Variants in CDH18 observed in about 807,000 individuals in gnomAD.
CDH18 encodes the protein cadherin-18.
CDH18 carries 31 observed loss-of-function variants against 67.9 expected under a neutral mutation model. That is an observed-to-expected ratio of 0.46 (90% confidence interval 0.34 to 0.62). The LOEUF is 0.62. CDH18 is among the 20% of genes least tolerant of loss of function. The pLI, the probability that CDH18 is intolerant of heterozygous loss-of-function variation, is 0.01. For missense variants in CDH18, 890 were observed against 975.5 expected (o/e 0.91, Z 1.17); for synonymous variants, 362 against 347.2 (o/e 1.04, Z -0.48).
At chr5:20,102,725 AAAG>A (rs1401593196) in intron 2 of CDH18, among the ~76,000 whole-genome samples, 1 of 152,194 alleles carries the variant, frequency 6.6e-6, no homozygotes, top group Non-Finnish European at 1.5e-5. Context: ...AGCCAAAACA[AAAG>A]AAATAGAGAC....
chr5:20,330,807 C>T (rs1421881950), intron 1 of CDH18, among the ~76,000 whole-genome samples: 1 of 152,188 alleles, frequency 6.6e-6, no homozygotes, highest in Non-Finnish European at 1.5e-5. Context: ...CTTGATCTCT[C>T]AAGTCACCAG....
intron 2 of CDH18, among the ~76,000 whole-genome samples, chr5:20,246,603 TAATA>T (rs144565650): frequency 0.7 from 105,946 of 151,426 alleles, 37,708 homozygotes; most frequent in African/African-American, 0.85. Flanking sequence ...GATAATGTAT[TAATA>T]ATTAAGAAGA....
chr5:20,258,126 T>C (rs1744385101), intron 1 of CDH18, among the ~76,000 whole-genome samples: 1 of 152,164 alleles, frequency 6.6e-6, no homozygotes, highest in African/African-American at 2.4e-5. Flanking sequence ...AAACCTAATA[T>C]TATGTGGCAG....
intron 2 of CDH18, among the ~76,000 whole-genome samples, chr5:20,038,990 T>A (rs546848262): frequency 2.2e-4 from 33 of 152,168 alleles, no homozygotes; most frequent in African/African-American, 7.9e-4. Flanking sequence ...AGCAACTTCA[T>A]CAAAGTCTCA....
intron 4 of CDH18, among the ~76,000 whole-genome samples, chr5:19,726,443 G>A (rs1423785693): frequency 2.0e-5 from 3 of 152,262 alleles, no homozygotes; most frequent in East Asian, 3.9e-4. Flanking sequence ...AGTGCCTGAA[G>A]GCATCAGGGT....
intron 1 of CDH18, among the ~76,000 whole-genome samples, chr5:20,486,700 CAT>C (rs1269731292): frequency 1.7e-5 from 2 of 120,580 alleles, no homozygotes; most frequent in South Asian, 2.7e-4. Flanking sequence ...TATATATATA[CAT>C]ATATGTGTGT....
intron 1 of CDH18, among the ~76,000 whole-genome samples, chr5:20,341,840 A>C (rs769454839): frequency 6.6e-6 from 1 of 151,896 alleles, no homozygotes; most frequent in Non-Finnish European, 1.5e-5. Flanking sequence ...TGCATATGAC[A>C]CTCCTGATTC....
At chr5:19,820,237 T>A (rs1379867403) in intron 3 of CDH18, among the ~76,000 whole-genome samples, 1 of 151,540 alleles carries the variant, frequency 6.6e-6, no homozygotes, top group East Asian at 2.0e-4. Flanking sequence ...CAGCTGCAAT[T>A]TCTCCCTAAG....
At chr5:20,045,482 A>G (rs556756390) in intron 2 of CDH18, among the ~76,000 whole-genome samples, 2 of 152,220 alleles carry the variant, frequency 1.3e-5, no homozygotes, top group South Asian at 4.1e-4. Context: ...GATGACGATG[A>G]TAAGTTTGTG....
chr5:19,796,729 A>G (rs1413258437), intron 3 of CDH18, among the ~76,000 whole-genome samples: 2 of 152,086 alleles, frequency 1.3e-5, no homozygotes, highest in African/African-American at 2.4e-5. Context: ...AAAAATTAAA[A>G]CACCATATGA....
intron 1 of CDH18, among the ~76,000 whole-genome samples, chr5:20,500,629 A>G (rs1754198170): frequency 6.6e-6 from 1 of 152,186 alleles, no homozygotes; most frequent in South Asian, 2.1e-4. Context: ...TTTAGTAAGT[A>G]TGCTGTAAAT....
At chr5:20,348,254 T>C (rs566941565) in intron 1 of CDH18, among the ~76,000 whole-genome samples, 3 of 152,264 alleles carry the variant, frequency 2.0e-5, no homozygotes, top group African/African-American at 4.8e-5. Context: ...AACAAACTCA[T>C]TAACAACAAA....
At chr5:19,769,359 T>TA (rs1333882103) in intron 3 of CDH18, among the ~76,000 whole-genome samples, 4 of 152,152 alleles carry the variant, frequency 2.6e-5, no homozygotes, top group African/African-American at 7.2e-5. Context: ...TGATTTCTAA[T>TA]AAAAAACCAC....
chr5:20,132,219 AT>A (rs1192060251), intron 2 of CDH18, among the ~76,000 whole-genome samples: 1 of 152,098 alleles, frequency 6.6e-6, no homozygotes, highest in Admixed American at 6.6e-5. Flanking sequence ...AGGTAACAGA[AT>A]TTATCTAAAC....
chr5:20,164,272 T>G (rs1278408216), intron 2 of CDH18, among the ~76,000 whole-genome samples: 1 of 152,050 alleles, frequency 6.6e-6, no homozygotes, highest in Non-Finnish European at 1.5e-5. Context: ...TCATCCAGTA[T>G]TTTGTTTGTT....
chr5:20,300,657 A>G (rs1747905679), intron 1 of CDH18, among the ~76,000 whole-genome samples: 1 of 152,132 alleles, frequency 6.6e-6, no homozygotes, highest in South Asian at 2.1e-4. Context: ...TCATTTTCAC[A>G]ACAGGCTCAC....
chr5:20,457,410 T>C (rs1750911710), intron 1 of CDH18, among the ~76,000 whole-genome samples: 1 of 152,206 alleles, frequency 6.6e-6, no homozygotes, highest in Non-Finnish European at 1.5e-5. Context: ...CATTCAATTC[T>C]CCAAAAACTT....
At chr5:20,021,356 G>T (rs1048718261) in intron 2 of CDH18, among the ~76,000 whole-genome samples, 1 of 152,124 alleles carries the variant, frequency 6.6e-6, no homozygotes, top group Non-Finnish European at 1.5e-5. Flanking sequence ...ATTGTACTTT[G>T]CAATGTATGA....
At chr5:20,026,850 G>A (rs777147967) in intron 2 of CDH18, among the ~76,000 whole-genome samples, 32 of 151,950 alleles carry the variant, frequency 2.1e-4, no homozygotes, top group Non-Finnish European at 3.4e-4. Flanking sequence ...CCAGCTACTC[G>A]GGAGGCTGAG....
Sources: gnomAD v4.1 joint callset for allele counts (sites outside exome capture counted in the v4.1 genomes callset) on GRCh38, gnomAD v4.1.1 for gene constraint, MANE v1.5 for transcripts, NCBI Gene and HGNC (gene_info 2026-07-23, HGNC 2026-07-21) for gene names.